The following SEMA6C variants were observed in gnomAD, a reference collection of about 807,000 sequenced individuals.
The protein encoded by SEMA6C is semaphorin-6C.
In SEMA6C, 37 loss-of-function variants were observed where a neutral mutation model predicts 72.9. The observed-to-expected ratio is 0.51, with a 90% confidence interval of 0.39 to 0.67. SEMA6C has a LOEUF of 0.67. SEMA6C is among the 30% of genes least tolerant of loss of function. The pLI, the probability that SEMA6C is intolerant of heterozygous loss-of-function variation, is 0.00. For synonymous variants in SEMA6C, 578 were observed against 554.1 expected, an observed-to-expected ratio of 1.04 and a Z score of -0.61; for missense variants, 1,189 against 1,263.6, an observed-to-expected ratio of 0.94 and a Z score of 0.89.
At position 151,132,896 on chromosome 1, in the gene SEMA6C, G is replaced by T; in HGVS notation, c.2381C>A (p.Ala794Glu). 7.5e-7 allele frequency: 1 copy of T among 1,326,104 alleles called. No homozygotes were observed. The highest frequency in any genetic ancestry group is 9.6e-7 in the Non-Finnish European group (1 of 1,039,188). The allele number at this position is 1,326,104 out of a possible 1,614,324, so 82.1% of individuals were successfully genotyped here. Reference sequence around the variant, plus strand: ...GGCGGGGGCGGGCTCCGGCGGGAGCGCCCGCGAGGTTAAAGGGGCGGGGGG... The same window carrying T: ...GGCGGGGGCGGGCTCCGGCGGGAGCTCCCGCGAGGTTAAAGGGGCGGGGGG... ...AEPPAPLTSR[A>E]LPPEPAPALL... The change falls in exon 19 of 19, where the codon GCG becomes GAG. Residue 794 changes from alanine (A) to glutamate (E), a missense_variant. This residue lies in a region of SEMA6C where 721 missense variants were observed against 686.2 expected (regional missense o/e 1.05). Coordinates refer to ENST00000368914, the MANE Select transcript of SEMA6C (RefSeq NM_030913.6).
chr1:151,141,732 C>CTT lies in SEMA6C; in HGVS notation c.118+770_118+771dup, dbSNP rs34150016. 1.8e-3 allele frequency among the ~76,000 whole-genome samples: 190 copies of CTT among 107,060 alleles called. 2 individuals carry two copies. The highest frequency in any genetic ancestry group is 2.7e-3 in the African/African-American group (72 of 26,512). 70.2% of individuals were successfully genotyped at this position (107,060 alleles called of 152,430 possible). On this transcript the variant is annotated intron_variant, in intron 3 of 18. Transcript: ENST00000368914. ...CAGCTGACTTTTTTTTTTTAATCGG[C>CTT]TTTTTTTTTTTTTTTAAAGAGATGG...
chr1:151,133,328 G>C lies in SEMA6C; in HGVS notation c.1949C>G (p.Ser650Cys), dbSNP rs746711973. The C allele has an allele frequency of 6.3e-7, 1 of 1,594,954 alleles. No individual in the cohort carries two copies. Among genetic ancestry groups the C allele is most frequent in the East Asian group, 2.3e-5 (1 of 44,176 alleles). Residue 650 changes from serine to cysteine, a missense_variant, in exon 19 of 19, where the codon TCC becomes TGC. Coordinates refer to ENST00000368914, the MANE Select transcript of SEMA6C (RefSeq NM_030913.6). The surrounding 1 kb of genome is among the most constrained non-coding windows in gnomAD (Gnocchi z 5.9). The stretch of plus-strand genomic sequence containing the variant: ...GTGGAGCCGGGCCAAACTGCGGAGG[G>C]AGAGAGGGCGCGGGAGCCCCGGAGT... ...IETPGLPRPL[S>C]LRSLARLHGG...
In SEMA6C at chr1:151,132,870, G is replaced by T; in HGVS notation, c.2407C>A (p.Leu803Ile). Residue 803 changes from leucine to isoleucine, a missense_variant, in exon 19 of 19, where the codon CTC (leucine) becomes ATC (isoleucine). Physicochemically the swap from Leu to Ile is conservative, Grantham distance 5. Around this residue, in one of 2 missense-constraint regions of SEMA6C, gnomAD observed 721 missense variants for 686.2 expected, o/e 1.05. Transcript: ENST00000368914. ...RALPPEPAPALLGGPSPRPHE... is the reference protein window; with the variant it reads ...RALPPEPAPAILGGPSPRPHE... ...GGCCTGGGGCTGGGGCCGCCCAAGA[G>T]GGCGGGGGCGGGCTCCGGCGGGAGC... The T allele has an allele frequency of 7.7e-7, 1 of 1,295,554 alleles. No individual in the cohort carries two copies. Among genetic ancestry groups the T allele is most frequent in the Non-Finnish European group, 9.8e-7 (1 of 1,022,388 alleles). The allele number at this position is 1,295,554 out of a possible 1,614,324, so 80.3% of individuals were successfully genotyped here. A position where few individuals can be genotyped will look rare whatever the true frequency, so the allele number is the denominator to read the frequency against.
chr1:151,143,123 C>T (rs1029812452), intron 2 of SEMA6C, among the ~76,000 whole-genome samples: 1 of 152,346 alleles, frequency 6.6e-6, no homozygotes, highest in East Asian at 1.9e-4. Context: ...CAGACCCCCA[C>T]GGCACCCTGG....
At position 151,142,517 on chromosome 1, in the gene SEMA6C, G is replaced by T; in HGVS notation, c.105C>A (p.Ile35=). 6.2e-7 allele frequency: 1 copy of T among 1,613,338 alleles called. No individual in the cohort carries two copies. Among genetic ancestry groups the T allele is most frequent in the Non-Finnish European group, 8.5e-7 (1 of 1,179,774 alleles). Residue 35 remains isoleucine, a synonymous_variant, in exon 3 of 19, where the codon ATC becomes ATA. Coordinates refer to ENST00000368914, the MANE Select transcript of SEMA6C (RefSeq NM_030913.6). ...CTGGGCACTCACCTTGAAGGTCAGAGATCAACAGAGGGAGGGGGTCCTGGG... is the reference window on the plus strand; with the variant it reads ...CTGGGCACTCACCTTGAAGGTCAGATATCAACAGAGGGAGGGGGTCCTGGG... ...AFPQDPLPLL[I]SDLQGTSPLS... is the part of the protein sequence containing the mutation.
intron 3 of SEMA6C, 63 bp from the exon 4 acceptor site, chr1:151,140,153 C>G (rs1682410698): frequency 7.4e-7 from 1 of 1,349,948 alleles, no homozygotes; most frequent in African/African-American, 1.4e-5. Flanking sequence ...CCCTCTCCAA[C>G]CAGATGAAAC....
In SEMA6C at chr1:151,135,647, T is replaced by C. The variant is rs1480003427; in HGVS notation, c.1377A>G (p.Arg459=). Residue 459 remains arginine, a synonymous_variant, in exon 14 of 19, where the codon CGA becomes CGG. Transcript: ENST00000368914. ...GGAGGATGGGCTCAGGTCCCCCGGATCGCCCACCTGGGGTCAGCACCTTCA... is the reference window on the plus strand; with the variant it reads ...GGAGGATGGGCTCAGGTCCCCCGGACCGCCCACCTGGGGTCAGCACCTTCA... ...TVLKVLTPGG[R]SGGPEPILLE... is the part of the protein sequence containing the mutation. The C allele has an allele frequency of 1.2e-6, 2 of 1,614,066 alleles. No individual in the cohort carries two copies. The highest frequency in any genetic ancestry group is 1.7e-5 in the Admixed American group (1 of 60,002).
chr1:151,142,246 G>T (rs1682616712), intron 3 of SEMA6C, among the ~76,000 whole-genome samples: 1 of 152,054 alleles, frequency 6.6e-6, no homozygotes, highest in Non-Finnish European at 1.5e-5. Flanking sequence ...CACCGTGTTA[G>T]CCAGGATGGT....
At position 151,134,591 on chromosome 1, in the gene SEMA6C, C is replaced by G. The variant is rs1005053288; in HGVS notation, c.1714+29G>C. ...CCATCATGGCCATGTGCAGCTTTGG[C>G]TGCAACAGCAGCTGCCTCTTCTGTT... On this transcript the variant is annotated intron_variant, in intron 17 of 18. Coordinates refer to ENST00000368914, the MANE Select transcript of SEMA6C (RefSeq NM_030913.6). 13 of 1,613,628 alleles carry G rather than the reference C, an allele frequency of 8.1e-6. No individual in the cohort carries two copies. In the Middle Eastern group the frequency reaches 4.9e-4, roughly 61 times the overall value.
At position 151,137,816 on chromosome 1, in the gene SEMA6C, C is replaced by T. The variant is rs1682181038; in HGVS notation, c.668-17G>A. 3 of 1,610,964 alleles carry T rather than the reference C, an allele frequency of 1.9e-6. No individual in the cohort carries two copies. Among genetic ancestry groups the T allele is most frequent in the African/African-American group, 1.3e-5 (1 of 74,822 alleles). On this transcript the variant is annotated splice_polypyrimidine_tract_variant and intron_variant, in intron 9 of 18. Transcript: ENST00000368914. ...AGTGTGGCTCTAAGATGGGGAATGACAGGAAAGGGTATAGAAGAGTATCTG... is the reference window on the plus strand; with the variant it reads ...AGTGTGGCTCTAAGATGGGGAATGATAGGAAAGGGTATAGAAGAGTATCTG...
At position 151,136,904 on chromosome 1, in the gene SEMA6C, C is replaced by A. The variant is rs146329132; in HGVS notation, c.927G>T (p.Leu309=). ...VLQALTGPVN[L]HGRSALFGVF... ...CCCCAAAGAGAGCAGAGCGGCCATG[C>A]AGGTTCACAGGCCCAGTCAAGGCCT... Residue 309 remains leucine, a synonymous_variant, in exon 11 of 19, where the codon CTG becomes CTT. Transcript: ENST00000368914. 4.9e-4 allele frequency: 788 copies of A among 1,613,922 alleles called. No individual in the cohort carries two copies. The highest frequency in any genetic ancestry group is 6.5e-4 in the Non-Finnish European group (766 of 1,180,028).
rs1486706039 is a variant in SEMA6C at position 151,133,810 on chromosome 1, G to T, written c.1760-293C>A. ...ACTGCCAAAAACTGCTCGTGCAGGA[G>T]AACTCGGGGCTGGGATGCCCAATTC... On this transcript the variant is annotated intron_variant, in intron 18 of 18. Coordinates refer to ENST00000368914, the MANE Select transcript of SEMA6C (RefSeq NM_030913.6). This position sits in a 1 kb window ranked among gnomAD's most constrained non-coding sequence, Gnocchi z 5.9. 2.3e-6 allele frequency: 2 copies of T among 858,842 alleles called. No individual in the cohort carries two copies. The highest frequency in any genetic ancestry group is 5.5e-5 in the East Asian group (2 of 36,414). The allele number at this position is 858,842 out of a possible 1,614,324, so 53.2% of individuals were successfully genotyped here.
At chr1:151,137,441 G>A (rs12079532) in intron 10 of SEMA6C, among the ~76,000 whole-genome samples, 5,974 of 48,272 alleles carry the variant, frequency 0.12, 237 homozygotes, top group South Asian at 0.25. Context: ...GCAAGACTCC[G>A]TCTCAAAAAA....
Position 151,133,865 on chromosome 1 carries a change from G to C in SEMA6C, c.1760-348C>G. ...GAAGGGAGGCTCCAAACAGGCGTTA[G>C]TGAGCACCAAACACCATTCAGTGAG... On this transcript the variant is annotated intron_variant, in intron 18 of 18. Transcript: ENST00000368914. The surrounding 1 kb of genome is among the most constrained non-coding windows in gnomAD (Gnocchi z 5.9). 8.9e-7 allele frequency: 1 copy of C among 1,122,598 alleles called. No individual in the cohort carries two copies. The highest frequency in any genetic ancestry group is 1.3e-6 in the Non-Finnish European group (1 of 776,714). The allele number at this position is 1,122,598 out of a possible 1,614,324, so 69.5% of individuals were successfully genotyped here.
In SEMA6C at chr1:151,142,540, G is replaced by A. The variant is rs1160678023; in HGVS notation, c.82C>T (p.Gln28Ter). 1 of 1,612,836 alleles carries A rather than the reference G, an allele frequency of 6.2e-7. No individual in the cohort carries two copies. The highest frequency in any genetic ancestry group is 8.5e-7 in the Non-Finnish European group (1 of 1,179,542). ...GAGATCAACAGAGGGAGGGGGTCCT[G>A]GGGAAAGGCGGCCTGAGTATGGGGA... is the stretch of plus-strand genomic sequence containing the variant. ...SLPHTQAAFP[Q>*]DPLPLLISDL... is the part of the protein sequence containing the mutation. Residue 28 changes from glutamine (Q) to a stop codon, truncating the protein, a stop_gained, in exon 3 of 19, where the codon CAG (glutamine) becomes TAG (stop). Transcript: ENST00000368914. LOFTEE classifies it high-confidence loss of function.
At position 151,132,395 on chromosome 1, in the gene SEMA6C, A is replaced by AG; in HGVS notation, c.*88dup. On this transcript the variant is annotated 3_prime_UTR_variant, in exon 19 of 19. Transcript: ENST00000368914. ...TCGGGAAGGCTGGAGGTGCGGGGCG[A>AG]GGGGGCGGTGAAACGTCCTGAAGAG... is the stretch of plus-strand genomic sequence containing the variant. 1.3e-6 allele frequency: 2 copies of AG among 1,523,488 alleles called. No homozygotes were observed. The highest frequency in any genetic ancestry group is 1.8e-6 in the Non-Finnish European group (2 of 1,133,066). The allele number at this position is 1,523,488 out of a possible 1,614,324, so 94.4% of individuals were successfully genotyped here. A position where few individuals can be genotyped will look rare whatever the true frequency, so the allele number is the denominator to read the frequency against.
rs769259569 is a variant in SEMA6C, at chr1:151,139,438, C to T, written c.341G>A (p.Arg114Gln). The change falls in exon 6 of 19, where the codon CGG (arginine) becomes CAG (glutamine). Residue 114 changes from arginine to glutamine, a missense_variant. Physicochemically the swap from Arg to Gln is conservative, Grantham distance 43. This residue lies in a region of SEMA6C where 468 missense variants were observed against 577.4 expected (regional missense o/e 0.81). Transcript: ENST00000368914. ...CTCACTCCTTACCGTCAGCTTTCCCCGTACAGCACAGTTCTCCACATCTTG... is the reference window on the plus strand; with the variant it reads ...CTCACTCCTTACCGTCAGCTTTCCCTGTACAGCACAGTTCTCCACATCTTG... ...RSQDVENCAVRGKLTDECYNY... is the reference protein window; with the variant it reads ...RSQDVENCAVQGKLTDECYNY... 9 of 1,613,872 alleles carry T rather than the reference C, an allele frequency of 5.6e-6. No homozygotes were observed. Among genetic ancestry groups the T allele is most frequent in the Admixed American group, 5.0e-5 (3 of 59,998 alleles).
Position 151,132,772 on chromosome 1 carries a change from G to C in SEMA6C, c.2505C>G (p.Pro835=), listed in dbSNP as rs1243492470. The change falls in exon 19 of 19, where the codon CCC becomes CCG. Residue 835 remains proline (P), a synonymous_variant. Transcript: ENST00000368914. Reference sequence around the variant, plus strand: ...GCCGGGGAGCGGGGGCGGAGAGCGCGGGCCGGGCGGGGGCAGAGGCGCACC... The same window carrying C: ...GCCGGGGAGCGGGGGCGGAGAGCGCCGGCCGGGCGGGGGCAGAGGCGCACC... ...EGRCASAPAR[P]ALSAPAPRLG... The C allele has an allele frequency of 4.3e-6, 6 of 1,402,676 alleles. No individual in the cohort carries two copies. Among genetic ancestry groups the C allele is most frequent in the Non-Finnish European group, 5.6e-6 (6 of 1,075,124 alleles). 86.9% of individuals were successfully genotyped at this position (1,402,676 alleles called of 1,614,324 possible).
intron 14 of SEMA6C, 106 bp downstream of exon 14, chr1:151,135,485 C>T: frequency 1.4e-6 from 2 of 1,471,722 alleles, no homozygotes; most frequent in Non-Finnish European, 1.8e-6. Flanking sequence ...AGAGCTCCCA[C>T]CCTGCAAAAG....
Sources: gnomAD v4.1 joint callset for allele counts (sites outside exome capture counted in the v4.1 genomes callset) on GRCh38, gnomAD v4.1.1 for gene constraint, gnomAD v4.1.1 regional missense constraint, Gnocchi (gnomAD v3.1) non-coding constraint, MANE v1.5 for transcripts, NCBI Gene and HGNC (gene_info 2026-07-23, HGNC 2026-07-21) for gene names.